Variants in HS3ST4 observed in about 807,000 individuals in gnomAD.
HS3ST4 encodes the protein heparan sulfate-glucosamine 3-sulfotransferase 4.
Under a neutral mutation model 29.2 loss-of-function variants are expected in HS3ST4, and 17 were observed. The ratio of observed to expected loss-of-function variants is 0.58; its 90% confidence interval spans 0.40 to 0.87. The LOEUF (loss-of-function observed/expected upper bound fraction) is 0.87. Ranked by LOEUF, HS3ST4 falls within the 40% of genes least tolerant of loss-of-function variation. The pLI is 0.00. For synonymous variants in HS3ST4, 314 were observed against 285.7 expected (o/e 1.10, Z -1.00); for missense variants, 627 against 634.5 (o/e 0.99, Z 0.13).
chr16:25,913,977 T>C (rs1360831007), intron 1 of HS3ST4, among the ~76,000 whole-genome samples: 1 of 147,866 alleles, frequency 6.8e-6, no homozygotes, highest in Non-Finnish European at 1.5e-5. Flanking sequence ...TAGATGTGTA[T>C]GTGGTGTGTG....
intron 1 of HS3ST4, among the ~76,000 whole-genome samples, chr16:26,129,043 A>T (rs760657520): frequency 7.2e-5 from 11 of 152,162 alleles, no homozygotes; most frequent in Non-Finnish European, 1.6e-4. Context: ...TCCACTCCTG[A>T]CCCTTCCAGA....
At chr16:25,728,978 G>A (rs1966554367) in intron 1 of HS3ST4, among the ~76,000 whole-genome samples, 1 of 152,140 alleles carries the variant, frequency 6.6e-6, no homozygotes, top group South Asian at 2.1e-4. Context: ...AGCTACTTGG[G>A]AGGCTGAGGT....
At chr16:25,940,532 C>T (rs951327487) in intron 1 of HS3ST4, among the ~76,000 whole-genome samples, 3 of 152,192 alleles carry the variant, frequency 2.0e-5, no homozygotes, top group African/African-American at 7.2e-5. Flanking sequence ...TGTTGGAGTT[C>T]GTTCCAGCTA....
At chr16:25,858,587 CT>C (rs947418181) in intron 1 of HS3ST4, among the ~76,000 whole-genome samples, 3 of 151,756 alleles carry the variant, frequency 2.0e-5, no homozygotes, top group Non-Finnish European at 4.4e-5. Context: ...GCAATGTATG[CT>C]TTTTTTTAAT....
chr16:25,860,729 T>C (rs955627518), intron 1 of HS3ST4, among the ~76,000 whole-genome samples: 6 of 152,096 alleles, frequency 3.9e-5, no homozygotes, highest in Middle Eastern at 3.2e-3. Flanking sequence ...GAGGGTTGAA[T>C]AGGTGGAGCA....
intron 1 of HS3ST4, among the ~76,000 whole-genome samples, chr16:25,785,541 G>C (rs574654653): frequency 1.3e-5 from 2 of 152,276 alleles, no homozygotes; most frequent in East Asian, 1.9e-4. Context: ...AAATTGTGGC[G>C]AGTATTTCAA....
intron 1 of HS3ST4, among the ~76,000 whole-genome samples, chr16:25,780,941 G>A (rs916864768): frequency 3.9e-5 from 6 of 152,066 alleles, no homozygotes; most frequent in South Asian, 4.1e-4. Context: ...CTGACTTACC[G>A]GTACCTATTC....
At chr16:25,750,625 C>G (rs1966712887) in intron 1 of HS3ST4, among the ~76,000 whole-genome samples, 1 of 152,218 alleles carries the variant, frequency 6.6e-6, no homozygotes, top group Non-Finnish European at 1.5e-5. Context: ...GAGCCCAGCC[C>G]TTGGCAGCAT....
chr16:26,133,523 G>A (rs900242018), intron 1 of HS3ST4, among the ~76,000 whole-genome samples: 1 of 152,150 alleles, frequency 6.6e-6, no homozygotes, highest in African/African-American at 2.4e-5. Flanking sequence ...ACTCCAAGAT[G>A]AGCATGGTTG....
intron 1 of HS3ST4, among the ~76,000 whole-genome samples, chr16:25,756,111 AACACACACACACACATACAC>A (rs1966756004): frequency 6.9e-6 from 1 of 144,608 alleles, no homozygotes; most frequent in African/African-American, 2.6e-5. Context: ...GTGTTATAGA[AACACACACACACACATACAC>A]ACACACACAC....
At chr16:25,765,465 C>T (rs1301662857) in intron 1 of HS3ST4, among the ~76,000 whole-genome samples, 1 of 152,152 alleles carries the variant, frequency 6.6e-6, no homozygotes. Context: ...GTACATGGAC[C>T]TGGATTCTAA....
At chr16:25,758,606 G>A (rs751386193) in intron 1 of HS3ST4, among the ~76,000 whole-genome samples, 1 of 152,104 alleles carries the variant, frequency 6.6e-6, no homozygotes. Flanking sequence ...GACCACCTTG[G>A]CTCAGAGCAC....
intron 1 of HS3ST4, among the ~76,000 whole-genome samples, chr16:25,902,005 C>G (rs962356064): frequency 6.6e-6 from 1 of 152,166 alleles, no homozygotes; most frequent in East Asian, 1.9e-4. Context: ...GTTGCTGGGT[C>G]TCTGCTTATG....
intron 1 of HS3ST4, among the ~76,000 whole-genome samples, chr16:26,131,896 G>C (rs2141816578): frequency 6.6e-6 from 1 of 152,240 alleles, no homozygotes; most frequent in Non-Finnish European, 1.5e-5. Context: ...CCTGTTATTT[G>C]CCAGGACCTG....
chr16:26,061,739 G>A (rs1434039345), intron 1 of HS3ST4, among the ~76,000 whole-genome samples: 1 of 152,116 alleles, frequency 6.6e-6, no homozygotes, highest in Non-Finnish European at 1.5e-5. Flanking sequence ...TTGTTTCTCA[G>A]TTTCTCTTTC....
intron 1 of HS3ST4, among the ~76,000 whole-genome samples, chr16:25,765,497 G>A (rs1423975171): frequency 6.6e-6 from 1 of 152,114 alleles, no homozygotes; most frequent in Non-Finnish European, 1.5e-5. Context: ...AGGCAGGAGG[G>A]GCTACCATTG....
intron 1 of HS3ST4, among the ~76,000 whole-genome samples, chr16:25,873,955 G>A (rs1967800145): frequency 6.6e-6 from 1 of 152,128 alleles, no homozygotes; most frequent in African/African-American, 2.4e-5. Context: ...TACAATAGTA[G>A]CCAGCCCAAG....
At chr16:25,998,848 A>G (rs553158345) in intron 1 of HS3ST4, among the ~76,000 whole-genome samples, 24 of 152,306 alleles carry the variant, frequency 1.6e-4, no homozygotes, top group African/African-American at 5.5e-4. Context: ...TAAAGTGTCC[A>G]TATAAGTTTT....
chr16:26,011,168 C>T (rs1969306563), intron 1 of HS3ST4, among the ~76,000 whole-genome samples: 1 of 152,150 alleles, frequency 6.6e-6, no homozygotes, highest in African/African-American at 2.4e-5. Context: ...AATTCAAGTT[C>T]CTCCAGGGGC....
Sources: gnomAD v4.1 joint callset for allele counts (sites outside exome capture counted in the v4.1 genomes callset) on GRCh38, gnomAD v4.1.1 for gene constraint, MANE v1.5 for transcripts, NCBI Gene and HGNC (gene_info 2026-07-23, HGNC 2026-07-21) for gene names.